Variants in RTN4IP1 observed in about 807,000 individuals in gnomAD.
The protein encoded by RTN4IP1 is NAD(P)H oxidoreductase RTN4IP1, mitochondrial.
In RTN4IP1, 32 loss-of-function variants were observed where a neutral mutation model predicts 46.6. The ratio of observed to expected loss-of-function variants is 0.69; its 90% confidence interval spans 0.52 to 0.92. RTN4IP1 has a LOEUF of 0.92. Among genes scored for constraint, RTN4IP1 ranks in the 40% least tolerant of loss-of-function variants. The pLI, the probability that RTN4IP1 is intolerant of heterozygous loss-of-function variation, is 0.00. For synonymous variants in RTN4IP1, 167 were observed against 161.8 expected, an observed-to-expected ratio of 1.03 and a Z score of -0.24; for missense variants, 424 against 485.8, an observed-to-expected ratio of 0.87 and a Z score of 1.20.
intron 5 of RTN4IP1, among the ~76,000 whole-genome samples, chr6:106,601,916 G>A (rs1775958868): frequency 6.6e-6 from 1 of 152,054 alleles, no homozygotes; most frequent in Non-Finnish European, 1.5e-5. Context: ...TGACCTTGAG[G>A]GTTGTTTTTC....
intron 3 of RTN4IP1, among the ~76,000 whole-genome samples, chr6:106,620,665 G>A (rs1234348771): frequency 6.6e-6 from 1 of 151,628 alleles, no homozygotes; most frequent in East Asian, 1.9e-4. Context: ...CTTGGAGTAG[G>A]GTAAGCAATA....
At chr6:106,586,303 C>A (rs1775482542) in intron 7 of RTN4IP1, among the ~76,000 whole-genome samples, 2 of 152,140 alleles carry the variant, frequency 1.3e-5, no homozygotes, top group African/African-American at 2.4e-5. Context: ...CGACTCACAG[C>A]CTTTTTACCA....
At chr6:106,617,973 G>A (rs1333851504) in intron 4 of RTN4IP1, among the ~76,000 whole-genome samples, 1 of 152,042 alleles carries the variant, frequency 6.6e-6, no homozygotes, top group East Asian at 1.9e-4. Flanking sequence ...AAATCTATGT[G>A]GTCAAAACTA....
At chr6:106,586,113 C>T (rs2114632009) in intron 7 of RTN4IP1, among the ~76,000 whole-genome samples, 1 of 152,306 alleles carries the variant, frequency 6.6e-6, no homozygotes, top group East Asian at 1.9e-4. Flanking sequence ...TGGTCTCCTC[C>T]ATCATAGCTC....
At chr6:106,577,447 CAAAAA>C (rs58921891) in intron 8 of RTN4IP1, among the ~76,000 whole-genome samples, 1 of 55,410 alleles carries the variant, frequency 1.8e-5, no homozygotes, top group African/African-American at 7.9e-5. Flanking sequence ...GACCCTGTCT[CAAAAA>C]AAAAAAAAAA....
chr6:106,592,616 A>G (rs546080223), intron 5 of RTN4IP1, among the ~76,000 whole-genome samples: 1 of 152,266 alleles, frequency 6.6e-6, no homozygotes, highest in South Asian at 2.1e-4. Context: ...AGTAACAGAA[A>G]AGACAGGAGT....
At chr6:106,614,801 T>C (rs979522968) in intron 4 of RTN4IP1, among the ~76,000 whole-genome samples, 3 of 152,096 alleles carry the variant, frequency 2.0e-5, no homozygotes, top group African/African-American at 7.2e-5. Context: ...GCAGATGCAA[T>C]TGAAAGGCAA....
chr6:106,605,951 T>G, intron 4 of RTN4IP1, among the ~76,000 whole-genome samples: 1 of 151,542 alleles, frequency 6.6e-6, no homozygotes, highest in Non-Finnish European at 1.5e-5. Context: ...CTGGAAGTAC[T>G]AGCCAGAGCA....
intron 4 of RTN4IP1, among the ~76,000 whole-genome samples, chr6:106,609,130 G>A (rs565385293): frequency 6.6e-6 from 1 of 152,232 alleles, no homozygotes; most frequent in Non-Finnish European, 1.5e-5. Flanking sequence ...CCTGGAACCT[G>A]TTATCTATGC....
chr6:106,599,882 A>G (rs891656701), intron 5 of RTN4IP1, among the ~76,000 whole-genome samples: 1 of 151,158 alleles, frequency 6.6e-6, no homozygotes, highest in Non-Finnish European at 1.5e-5. Context: ...GACATTTAGT[A>G]GATGCCAAAT....
In RTN4IP1 at chr6:106,571,249, C is replaced by T. The variant is rs1775051300; in HGVS notation, c.*747G>A. 6.6e-6 allele frequency: 1 copy of T among 152,168 alleles called. No individual in the cohort carries two copies. Among genetic ancestry groups the T allele is most frequent in the Non-Finnish European group, 1.5e-5 (1 of 68,032 alleles). The allele number at this position is 152,168 out of a possible 1,614,324, so 9.4% of individuals were successfully genotyped here. A position where few individuals can be genotyped will look rare whatever the true frequency, so the allele number is the denominator to read the frequency against. On this transcript the variant is annotated 3_prime_UTR_variant, in exon 9 of 9. Coordinates refer to ENST00000369063, the MANE Select transcript of RTN4IP1 (RefSeq NM_032730.5). ...ATATATGACACTAAGAGATTTAGAA[C>T]TTTAAGAGCTGTGGTGACCACATTA...
At chr6:106,619,132 A>G (rs1214602380) in intron 4 of RTN4IP1, 70 bp downstream of exon 4, 1 of 1,550,030 alleles carries the variant, frequency 6.5e-7, no homozygotes, top group African/African-American at 1.4e-5. Context: ...AGCTCTGACA[A>G]ATCTACTGCA....
chr6:106,624,577 T>G (rs1328094018), intron 1 of RTN4IP1, among the ~76,000 whole-genome samples: 2 of 148,234 alleles, frequency 1.3e-5, no homozygotes, highest in African/African-American at 5.0e-5. Flanking sequence ...GCTCAAGCGA[T>G]CCACCCACCT....
intron 5 of RTN4IP1, among the ~76,000 whole-genome samples, chr6:106,602,605 T>C (rs1775973913): frequency 6.6e-6 from 1 of 152,226 alleles, no homozygotes; most frequent in Non-Finnish European, 1.5e-5. Context: ...GAAAGCTTAA[T>C]GCTTCCTTCT....
At chr6:106,575,788 A>G (rs1379387965) in intron 8 of RTN4IP1, among the ~76,000 whole-genome samples, 1 of 152,240 alleles carries the variant, frequency 6.6e-6, no homozygotes, top group Non-Finnish European at 1.5e-5. Context: ...TAGCAGAGCC[A>G]AAACAAGGAC....
intron 7 of RTN4IP1, 63 bp downstream of exon 7, chr6:106,587,616 G>A: frequency 6.7e-7 from 1 of 1,502,424 alleles, no homozygotes; most frequent in Middle Eastern, 2.5e-4. Context: ...CTGGCTAGGT[G>A]GGAAACCAAT....
rs915002376 is a variant in RTN4IP1, at chr6:106,629,061, A to C, written c.-40T>G. ...GAACTGCGTGCTCAAATTCAAATAC[A>C]CTTGGACTGGATCAAACTCTCACCC... On this transcript the variant is annotated 5_prime_UTR_variant, in exon 1 of 9. Coordinates refer to ENST00000369063, the MANE Select transcript of RTN4IP1 (RefSeq NM_032730.5). 1 of 1,569,630 alleles carries C rather than the reference A, an allele frequency of 6.4e-7. No individual in the cohort carries two copies. Among genetic ancestry groups the C allele is most frequent in the Non-Finnish European group, 8.6e-7 (1 of 1,156,800 alleles).
At chr6:106,593,327 A>G (rs12525004) in intron 5 of RTN4IP1, among the ~76,000 whole-genome samples, 11,071 of 152,272 alleles carry the variant, frequency 0.073, 594 homozygotes, top group East Asian at 0.2. Context: ...CTAAATTCTA[A>G]TGTTATTCAG....
In RTN4IP1 at chr6:106,583,258, A is replaced by C. The variant is rs563267144; in HGVS notation, c.1083+70T>G. On this transcript the variant is annotated intron_variant, in intron 8 of 8. Coordinates refer to ENST00000369063, the MANE Select transcript of RTN4IP1 (RefSeq NM_032730.5). Reference sequence around the variant, plus strand: ...TGTAGAGTCCCTACTAACGAGGCTCAGTGGGCAGGTCTACAGGAGGTGCTG... The same window carrying C: ...TGTAGAGTCCCTACTAACGAGGCTCCGTGGGCAGGTCTACAGGAGGTGCTG... 185 of 1,234,648 alleles carry C rather than the reference A, an allele frequency of 1.5e-4. No individual in the cohort carries two copies. The African/African-American group carries it at 2.6e-3, about 17-fold the overall frequency. 76.5% of individuals were successfully genotyped at this position (1,234,648 alleles called of 1,614,324 possible). A position where few individuals can be genotyped will look rare whatever the true frequency, so the allele number is the denominator to read the frequency against.
Sources: gnomAD v4.1 joint callset for allele counts (sites outside exome capture counted in the v4.1 genomes callset) on GRCh38, gnomAD v4.1.1 for gene constraint, MANE v1.5 for transcripts, NCBI Gene and HGNC (gene_info 2026-07-23, HGNC 2026-07-21) for gene names.